TMC4: variants seen among roughly 807,000 people sequenced by gnomAD.
TMC4 encodes the protein transmembrane channel like 4.
In TMC4, 70 loss-of-function variants were observed where a neutral mutation model predicts 82.0. The observed-to-expected ratio is 0.85, with a 90% CI of 0.70 to 1.04. The LOEUF (loss-of-function observed/expected upper bound fraction) is 1.04. Among genes scored for constraint, TMC4 ranks in the 50% least tolerant of loss-of-function variants. TMC4 has a pLI of 0.00. For synonymous variants in TMC4, 446 were observed against 406.0 expected (o/e 1.10, Z -1.18); for missense variants, 879 against 899.0 (o/e 0.98, Z 0.28).
At chr19:54,162,565 G>T in intron 10 of TMC4, 108 bp downstream of exon 10, 1 of 913,388 alleles carries the variant, frequency 1.1e-6, no homozygotes, top group Non-Finnish European at 1.8e-6. Context: ...AGCAAAGGGA[G>T]CAGGCAGAGG....
Position 54,168,519 on chromosome 19 carries a change from C to A in TMC4, c.604G>T (p.Gly202Cys). ...CCCTGGGAGTGGGGGTTATAGGAGC[C>A]GCAGGGCGAGGAGATGTCGGGGCCG... ...PPGPDISSPCGSYNPHSQGLV... is the reference protein window; with the variant it reads ...PPGPDISSPCCSYNPHSQGLV... Residue 202 changes from glycine to cysteine, a missense_variant, in exon 4 of 15, where the codon GGC becomes TGC. Transcript: ENST00000619895. 2 of 1,549,706 alleles carry A rather than the reference C, an allele frequency of 1.3e-6. No individual in the cohort carries two copies. Among genetic ancestry groups the A allele is most frequent in the South Asian group, 2.4e-5 (2 of 83,830 alleles).
At chr19:54,170,404 G>C (rs528523754) in intron 2 of TMC4, among the ~76,000 whole-genome samples, 1 of 151,988 alleles carries the variant, frequency 6.6e-6, no homozygotes, top group African/African-American at 2.4e-5. Context: ...GGTGTCAGGG[G>C]AGGGACGCAC....
At chr19:54,162,389 TGGGG>T (rs779701144) in intron 10 of TMC4, 104 bp from the exon 11 acceptor site, 4,992 of 255,346 alleles carry the variant, frequency 0.02, 294 homozygotes, top group African/African-American at 0.12. Context: ...GTATTGGTGG[TGGGG>T]GGGGGGGGGG....
intron 12 of TMC4, 37 bp downstream of exon 12, chr19:54,161,093 A>G (rs1460128998): frequency 1.2e-6 from 2 of 1,601,152 alleles, no homozygotes; most frequent in South Asian, 2.2e-5. Context: ...GAATGGGGAG[A>G]GAGGGAGGGA....
At chr19:54,168,075 G>C in intron 5 of TMC4, 96 bp downstream of exon 5, 1 of 1,369,554 alleles carries the variant, frequency 7.3e-7, no homozygotes, top group Non-Finnish European at 9.8e-7. Context: ...AAAAAAAAAA[G>C]ACTGAGGATT....
At chr19:54,169,787 T>A in intron 2 of TMC4, 127 bp from the exon 3 acceptor site, 1 of 1,334,274 alleles carries the variant, frequency 7.5e-7, no homozygotes, top group South Asian at 1.6e-5. Flanking sequence ...TAGAATACTC[T>A]GTAGCAATAA....
Position 54,160,497 on chromosome 19 carries a change from G to C in TMC4, c.2022C>G (p.Leu674=). ...TVALANSYGR[L]ISELKRQRET... The stretch of plus-strand genomic sequence containing the variant: ...CTCTCTGACGTTTGAGCTCAGAGAT[G>C]AGGCGTCCGTAGGAGTTAGCCAGAG... Residue 674 remains leucine, a synonymous_variant, in exon 14 of 15, where the codon CTC becomes CTG. Transcript: ENST00000619895. 1 of 1,614,194 alleles carries C rather than the reference G, an allele frequency of 6.2e-7. No individual in the cohort carries two copies. The highest frequency in any genetic ancestry group is 1.1e-5 in the South Asian group (1 of 91,084).
chr19:54,161,264 G>T lies in TMC4; in HGVS notation c.1687-4C>A, dbSNP rs763262309. ...AGCAGGTGGAGAAGAGGGTAAGCTGGTGGGGGAAGGCACGGAGAAAAGGGC... is the reference window on the plus strand; with the variant it reads ...AGCAGGTGGAGAAGAGGGTAAGCTGTTGGGGGAAGGCACGGAGAAAAGGGC... On this transcript the variant is annotated splice_polypyrimidine_tract_variant and splice_region_variant and intron_variant, in intron 11 of 14. Coordinates refer to ENST00000619895, the MANE Select transcript of TMC4 (RefSeq NM_144686.4). The T allele has an allele frequency of 6.6e-7, 1 of 1,519,266 alleles. No individual in the cohort carries two copies. The highest frequency in any genetic ancestry group is 8.8e-7 in the Non-Finnish European group (1 of 1,134,618). The allele number at this position is 1,519,266 out of a possible 1,614,324, so 94.1% of individuals were successfully genotyped here. A position where few individuals can be genotyped will look rare whatever the true frequency, so the allele number is the denominator to read the frequency against.
At position 54,163,686 on chromosome 19, in the gene TMC4, C is replaced by G. The variant is rs368700080; in HGVS notation, c.1277+38G>C. On this transcript the variant is annotated intron_variant, in intron 8 of 14. Coordinates refer to ENST00000619895, the MANE Select transcript of TMC4 (RefSeq NM_144686.4). ...GCCAACATCCCTCTGACCGCCCCCA[C>G]CCTTCATCATTCCCAGCCATCCCCG... The G allele has an allele frequency of 4.3e-6, 7 of 1,612,122 alleles. No homozygotes were observed. The African/African-American group carries it at 8.0e-5, about 18-fold the overall frequency.
chr19:54,168,586 C>G lies in TMC4; in HGVS notation c.537G>C (p.Thr179=). Residue 179 remains threonine, a synonymous_variant, in exon 4 of 15, where the codon ACG becomes ACC. Transcript: ENST00000619895. ...VLASVLMACM[T]LLPTWLGGAP... ...CGCCTCCCAACCAGGTGGGCAGCAG[C>G]GTCATGCAGGCCATGAGCACAGAGG... 3 of 1,591,258 alleles carry G rather than the reference C, an allele frequency of 1.9e-6. No homozygotes were observed. The highest frequency in any genetic ancestry group is 2.6e-6 in the Non-Finnish European group (3 of 1,169,452).
Position 54,168,618 on chromosome 19 carries a change from C to G in TMC4, c.505G>C (p.Val169Leu), listed in dbSNP as rs772052187. Residue 169 changes from valine to leucine, a missense_variant, in exon 4 of 15, where the codon GTG becomes CTG. Transcript: ENST00000619895. ...SLLRFLLLLNVLASVLMACMT... is the reference protein window; with the variant it reads ...SLLRFLLLLNLLASVLMACMT... ...CAGGCCATGAGCACAGAGGCCAGCA[C>G]GTTAAGAAGGAGCAGGAAGCGCAGC... 6.3e-7 allele frequency: 1 copy of G among 1,595,402 alleles called. No individual in the cohort carries two copies. The highest frequency in any genetic ancestry group is 1.1e-5 in the South Asian group (1 of 88,022).
chr19:54,160,441 C>T (rs371650947), intron 14 of TMC4, 26 bp downstream of exon 14: 30 of 1,610,894 alleles, frequency 1.9e-5, no homozygotes, highest in Non-Finnish European at 2.5e-5. Flanking sequence ...TCCCCAGGGG[C>T]CCTCTCAGGG....
intron 1 of TMC4, chr19:54,172,579 C>A: frequency 6.4e-6 from 2 of 312,392 alleles, no homozygotes; most frequent in Non-Finnish European, 1.1e-5. Context: ...CCCAGCCCCT[C>A]CTCCCTCAGA....
chr19:54,169,730 C>G, intron 2 of TMC4, 70 bp from the exon 3 acceptor site: 1 of 1,579,598 alleles, frequency 6.3e-7, no homozygotes, highest in African/African-American at 1.4e-5. Flanking sequence ...AATGTAGACA[C>G]AATCCAACAG....
Position 54,160,937 on chromosome 19 carries a change from C to T in TMC4, c.1914G>A (p.Gln638=), listed in dbSNP as rs2075530362. The change falls in exon 13 of 15, where the codon CAG becomes CAA. Residue 638 remains glutamine (Q), a synonymous_variant. Coordinates refer to ENST00000619895, the MANE Select transcript of TMC4 (RefSeq NM_144686.4). ...ESISSLPETT[Q]NFLFFLGTQA... ...GGGTCCCCAGGAAGAAGAGGAAATT[C>T]TGGGTGGTCTCAGGGAGGCTGGAAA... 12 of 1,614,146 alleles carry T rather than the reference C, an allele frequency of 7.4e-6. No individual in the cohort carries two copies. The highest frequency in any genetic ancestry group is 1.6e-4 in the Middle Eastern group (1 of 6,062).
At chr19:54,168,127 C>A in intron 5 of TMC4, 44 bp downstream of exon 5, 1 of 1,565,878 alleles carries the variant, frequency 6.4e-7, no homozygotes. Flanking sequence ...GCTTCCCCAC[C>A]CCAACCCGTC....
At chr19:54,164,304 G>T in intron 7 of TMC4, 130 bp downstream of exon 7, 1 of 1,208,872 alleles carries the variant, frequency 8.3e-7, no homozygotes. Flanking sequence ...CTAAGTCCAG[G>T]GTCCGAACAT....
intron 1 of TMC4, chr19:54,172,577 C>T (rs2075933771): frequency 3.2e-6 from 1 of 311,726 alleles, no homozygotes; most frequent in Non-Finnish European, 5.8e-6. Context: ...CACCCAGCCC[C>T]TCCTCCCTCA....
In TMC4 at chr19:54,169,900, A is replaced by T. The variant is rs575063062; in HGVS notation, c.294-240T>A. ...AGGTCAGGAGTTCGAGACCAGCCTG[A>T]CCAACATGGTGAAATCCTGTCTCTA... On this transcript the variant is annotated intron_variant, in intron 2 of 14. Coordinates refer to ENST00000619895, the MANE Select transcript of TMC4 (RefSeq NM_144686.4). Among the ~76,000 whole-genome samples the T allele has an allele frequency of 2.0e-5, 3 of 150,500 alleles. No individual in the cohort carries two copies. In the South Asian group the frequency reaches 6.3e-4, roughly 32 times the overall value.
Sources: allele counts gnomAD v4.1 joint callset (sites outside exome capture counted in the v4.1 genomes callset), GRCh38; gene constraint gnomAD v4.1.1; transcripts MANE v1.5; gene names NCBI Gene and HGNC (gene_info 2026-07-23, HGNC 2026-07-21).